RPH3A: variants seen among roughly 807,000 people sequenced by gnomAD.
RPH3A encodes the protein rabphilin 3A.
A neutral mutation model predicts 102.2 loss-of-function variants in RPH3A; 48 were observed. That is an observed-to-expected ratio of 0.47 (90% confidence interval 0.37 to 0.60). The LOEUF is 0.60. Ranked by LOEUF, RPH3A falls within the 20% of genes least tolerant of loss-of-function variation. The pLI, the probability that RPH3A is intolerant of heterozygous loss-of-function variation, is 0.00. For synonymous variants in RPH3A, 310 were observed against 324.3 expected, an observed-to-expected ratio of 0.96 and a Z score of 0.47; for missense variants, 781 against 910.1, an observed-to-expected ratio of 0.86 and a Z score of 1.83.
intron 2 of RPH3A, among the ~76,000 whole-genome samples, chr12:112,824,890 C>G (rs558091549): frequency 4.6e-5 from 7 of 152,186 alleles, no homozygotes; most frequent in African/African-American, 1.7e-4. Context: ...ATTTGGAGAT[C>G]AGAGTTCCTG....
At chr12:112,838,545 G>T (rs1174299543) in intron 4 of RPH3A, among the ~76,000 whole-genome samples, 1 of 152,158 alleles carries the variant, frequency 6.6e-6, no homozygotes, top group East Asian at 1.9e-4. Flanking sequence ...GCAGACACCT[G>T]CCCATGTTGG....
At chr12:112,774,066 A>AAAAAAAAAAAAAG (rs1360160172) in intron 1 of RPH3A, among the ~76,000 whole-genome samples, 1 of 149,946 alleles carries the variant, frequency 6.7e-6, no homozygotes, top group African/African-American at 2.4e-5. Context: ...GCCTGGGCAA[A>AAAAAAAAAAAAAG]AAAAAAAAAA....
Position 112,858,516 on chromosome 12 carries a change from GTCCTGACTGT to G in RPH3A, c.231-6892_231-6883del, listed in dbSNP as rs555413848. Among the ~76,000 whole-genome samples, 26 of 152,190 alleles carry G rather than the reference GTCCTGACTGT, an allele frequency of 1.7e-4. No individual in the cohort carries two copies. In the East Asian group the frequency reaches 5.0e-3, roughly 29 times the overall value. On this transcript the variant is annotated intron_variant, in intron 5 of 21. Transcript: ENST00000389385. The stretch of plus-strand genomic sequence containing the variant: ...TATTCCCCGGTTTCTCTGAGGACCT[GTCCTGACTGT>G]TCCTGTCTCTCTCTTGTGAGTTCTC...
At chr12:112,609,784 T>C (rs1413366116) in intron 1 of RPH3A, among the ~76,000 whole-genome samples, 2 of 152,184 alleles carry the variant, frequency 1.3e-5, no homozygotes, top group Non-Finnish European at 2.9e-5. Flanking sequence ...ATCTCAGTGA[T>C]GGGAAACATA....
intron 5 of RPH3A, among the ~76,000 whole-genome samples, chr12:112,852,541 TAG>T (rs2042339934): frequency 6.6e-6 from 1 of 152,202 alleles, no homozygotes; most frequent in South Asian, 2.1e-4. Flanking sequence ...CCACGCTAGC[TAG>T]AGTCTCCCAG....
At chr12:112,778,523 T>A (rs2040984624) in intron 1 of RPH3A, among the ~76,000 whole-genome samples, 1 of 152,198 alleles carries the variant, frequency 6.6e-6, no homozygotes, top group Admixed American at 6.5e-5. Flanking sequence ...GGAACACAAT[T>A]TGAATAGGCT....
chr12:112,818,672 C>T (rs1233899290), intron 2 of RPH3A, among the ~76,000 whole-genome samples: 1 of 152,152 alleles, frequency 6.6e-6, no homozygotes, highest in African/African-American at 2.4e-5. Context: ...AGGTCATTGG[C>T]CCACCTCTAA....
intron 2 of RPH3A, among the ~76,000 whole-genome samples, chr12:112,814,447 G>A (rs1359531810): frequency 6.6e-6 from 1 of 152,138 alleles, no homozygotes; most frequent in Non-Finnish European, 1.5e-5. Flanking sequence ...CAATGATGGG[G>A]AGCCTATTAT....
At chr12:112,648,429 T>G (rs991314454) in intron 1 of RPH3A, among the ~76,000 whole-genome samples, 2 of 151,342 alleles carry the variant, frequency 1.3e-5, no homozygotes, top group Admixed American at 1.3e-4. Context: ...GGTGACATTC[T>G]CAGAGATAAA....
At chr12:112,855,888 T>TGA (rs1357309089) in intron 5 of RPH3A, among the ~76,000 whole-genome samples, 1 of 151,892 alleles carries the variant, frequency 6.6e-6, no homozygotes, top group Non-Finnish European at 1.5e-5. Context: ...TGTGTGTGTG[T>TGA]GAGAGACAGA....
intron 5 of RPH3A, among the ~76,000 whole-genome samples, chr12:112,852,502 C>T (rs1187525160): frequency 6.6e-6 from 1 of 152,212 alleles, no homozygotes; most frequent in Non-Finnish European, 1.5e-5. Flanking sequence ...AAAAGGCCTA[C>T]TTCTCATCCC....
At chr12:112,802,870 G>A (rs1240040195) in intron 2 of RPH3A, among the ~76,000 whole-genome samples, 1 of 152,082 alleles carries the variant, frequency 6.6e-6, no homozygotes, top group Non-Finnish European at 1.5e-5. Context: ...CCAGAGCCTG[G>A]GTTTCCTCCT....
At chr12:112,666,602 T>C (rs2040085200) in intron 1 of RPH3A, among the ~76,000 whole-genome samples, 1 of 152,116 alleles carries the variant, frequency 6.6e-6, no homozygotes, top group Non-Finnish European at 1.5e-5. Context: ...CAGCTGCAAG[T>C]TTTTTTCTGG....
At chr12:112,774,848 A>AT (rs577940086) in intron 1 of RPH3A, among the ~76,000 whole-genome samples, 127 of 152,250 alleles carry the variant, frequency 8.3e-4, no homozygotes, top group Admixed American at 1.2e-3. Context: ...AATAGGAAAA[A>AT]TTGCATGCTG....
chr12:112,837,348 C>A (rs907310660), intron 4 of RPH3A, among the ~76,000 whole-genome samples: 10 of 152,130 alleles, frequency 6.6e-5, no homozygotes, highest in Non-Finnish European at 1.3e-4. Context: ...AAAGCTTAAC[C>A]AAACAAAGTT....
intron 10 of RPH3A, 48 bp downstream of exon 10, chr12:112,870,087 T>C (rs762785433): frequency 1.3e-6 from 2 of 1,549,004 alleles, no homozygotes; most frequent in Non-Finnish European, 1.7e-6. Flanking sequence ...ATAGGGAGAC[T>C]CAAAAAGAAT....
In RPH3A at chr12:112,876,844, C is replaced by A; in HGVS notation, c.1149C>A (p.Asn383Lys). ...CAGAGGAGGAGGAAGAGGAAGCCAA[C>A]AGCTACGATTCGGATGAAGCAAGTA... ...PPPEEEEEEA[N>K]SYDSDEATTL... Residue 383 changes from asparagine (N) to lysine (K), a missense_variant, in exon 13 of 22, where the codon AAC becomes AAA. By Grantham distance (94) the Asn-to-Lys change is moderately conservative (BLOSUM62 0). Coordinates refer to ENST00000389385, the MANE Select transcript of RPH3A (RefSeq NM_001143854.2). 1 of 1,604,892 alleles carries A rather than the reference C, an allele frequency of 6.2e-7. No homozygotes were observed.
At position 112,791,867 on chromosome 12, in the gene RPH3A, G is replaced by GGGGAGAGAGAGAGAGA. The variant is rs1555209147; in HGVS notation, c.-284_-283insGGAGAGAGAGAGAGAG. The GGGGAGAGAGAGAGAGA allele has an allele frequency of 1.7e-4, 8 of 48,484 alleles. No individual in the cohort carries two copies. The highest frequency in any genetic ancestry group is 5.8e-4 in the African/African-American group (6 of 10,408). 3.0% of individuals were successfully genotyped at this position (48,484 alleles called of 1,614,324 possible). On this transcript the variant is annotated 5_prime_UTR_variant, in exon 1 of 22. Transcript: ENST00000389385. ...CGCGGACTGGAAAGGAAGGGAGAAG[G>GGGGAGAGAGAGAGAGA]GAGAGAGAGAGAGAGAGAGAGAGAG...
chr12:112,686,900 C>T (rs1477611912), intron 1 of RPH3A, among the ~76,000 whole-genome samples: 2 of 152,010 alleles, frequency 1.3e-5, no homozygotes, highest in African/African-American at 2.4e-5. Context: ...GGGAGGCTGA[C>T]GTGGGAGGAT....
Sources: gnomAD v4.1 joint callset for allele counts (sites outside exome capture counted in the v4.1 genomes callset) on GRCh38, gnomAD v4.1.1 for gene constraint, MANE v1.5 for transcripts, NCBI Gene and HGNC (gene_info 2026-07-23, HGNC 2026-07-21) for gene names.